The following HIP1R variants were observed in gnomAD, a reference collection of about 807,000 sequenced individuals.
HIP1R encodes huntingtin interacting protein 1 related, also known as huntingtin-interacting protein 1-related protein.
A neutral mutation model predicts 144.2 loss-of-function variants in HIP1R; 135 were observed. The ratio of observed to expected loss-of-function variants is 0.94; its 90% CI spans 0.81 to 1.08. HIP1R has a LOEUF of 1.08. Ranked by LOEUF, HIP1R falls within the 50% of genes least tolerant of loss-of-function variation. The pLI, the probability that HIP1R is intolerant of heterozygous loss-of-function variation, is 0.00. For synonymous variants in HIP1R, 698 were observed against 612.8 expected (o/e 1.14, Z -2.05); for missense variants, 1,462 against 1,432.8 (o/e 1.02, Z -0.33).
At chr12:122,847,872 T>C (rs995271703) in intron 1 of HIP1R, among the ~76,000 whole-genome samples, 159 bp from the exon 2 acceptor site, 1 of 152,178 alleles carries the variant, frequency 6.6e-6, no homozygotes, top group African/African-American at 2.4e-5. Flanking sequence ...AGGGAAGTCC[T>C]TCAGAAGCTT....
chr12:122,849,858 T>C lies in HIP1R; in HGVS notation c.358-17T>C, dbSNP rs758050117. The C allele has an allele frequency of 5.6e-6, 9 of 1,603,472 alleles. No individual in the cohort carries two copies. The highest frequency in any genetic ancestry group is 6.8e-6 in the Non-Finnish European group (8 of 1,171,258). ...GTTCACGAGCCGTGGCCCCTCACCC[T>C]GTCTGTCTTCACACAGGGACATTTG... On this transcript the variant is annotated splice_polypyrimidine_tract_variant and intron_variant, in intron 4 of 31. Coordinates refer to ENST00000253083, the MANE Select transcript of HIP1R (RefSeq NM_003959.3).
At chr12:122,853,140 G>A (rs1381151962) in intron 7 of HIP1R, among the ~76,000 whole-genome samples, 1 of 152,174 alleles carries the variant, frequency 6.6e-6, no homozygotes, top group Non-Finnish European at 1.5e-5. Flanking sequence ...CCCCAGAGAA[G>A]CTGCCAGCCA....
chr12:122,859,841 C>T lies in HIP1R; in HGVS notation c.2465+11C>T, dbSNP rs573747950. ...GGAGGTGAACGAGAGGTGAGCCCCC[C>T]TTCTGTCCCCCCAGGCCCAGCCGAG... On this transcript the variant is annotated intron_variant, in intron 24 of 31. Transcript: ENST00000253083. The T allele has an allele frequency of 1.9e-6, 3 of 1,611,456 alleles. No individual in the cohort carries two copies. Among genetic ancestry groups the T allele is most frequent in the South Asian group, 1.1e-5 (1 of 90,850 alleles).
In HIP1R at chr12:122,861,322, G is replaced by A. The variant is rs746591850; in HGVS notation, c.2967G>A (p.Glu989=). 4 of 1,613,622 alleles carry A rather than the reference G, an allele frequency of 2.5e-6. No homozygotes were observed. The highest frequency in any genetic ancestry group is 1.3e-5 in the African/African-American group (1 of 74,912). ...TGTGGCTACAGGTGCGTGTCCTGGA[G>A]CTGGAGAAGACGCTGGAGGCTGAAC... ...QEMETQVRVL[E]LEKTLEAERM... Residue 989 remains glutamate (E), a synonymous_variant, in exon 31 of 32, where the codon GAG becomes GAA. Transcript: ENST00000253083.
At chr12:122,837,561 C>T (rs2032942386) in intron 1 of HIP1R, among the ~76,000 whole-genome samples, 1 of 152,208 alleles carries the variant, frequency 6.6e-6, no homozygotes, top group Non-Finnish European at 1.5e-5. Context: ...TCAGGCGATC[C>T]ACCCGCCTCA....
At chr12:122,850,963 C>G in intron 6 of HIP1R, 52 bp downstream of exon 6, 1 of 1,525,542 alleles carries the variant, frequency 6.6e-7, no homozygotes, top group Non-Finnish European at 9.0e-7. Flanking sequence ...TTCCCCATTC[C>G]TTCCTACCGC....
chr12:122,856,987 T>C, intron 17 of HIP1R, 34 bp from the exon 18 acceptor site: 2 of 1,542,646 alleles, frequency 1.3e-6, no homozygotes, highest in Non-Finnish European at 1.8e-6. Context: ...CTGGGAGCTC[T>C]GTTCACATGC....
At chr12:122,844,433 A>G (rs1329397856) in intron 1 of HIP1R, among the ~76,000 whole-genome samples, 1 of 152,044 alleles carries the variant, frequency 6.6e-6, no homozygotes, top group African/African-American at 2.4e-5. Flanking sequence ...GTCCCCCTCC[A>G]TTATCACTTC....
intron 7 of HIP1R, chr12:122,853,711 G>A (rs1172187412): frequency 2.1e-5 from 5 of 243,804 alleles, no homozygotes; most frequent in South Asian, 1.1e-4. Context: ...AACATTCAGC[G>A]TGGGTTTGAG....
At chr12:122,851,935 C>A (rs1186087535) in intron 7 of HIP1R, among the ~76,000 whole-genome samples, 2 of 152,172 alleles carry the variant, frequency 1.3e-5, no homozygotes, top group East Asian at 3.9e-4. Context: ...TCTGCAGAGC[C>A]CAGCTGGAAG....
At chr12:122,858,816 T>C (rs1206282466) in intron 20 of HIP1R, 22 bp from the exon 21 acceptor site, 1 of 1,395,696 alleles carries the variant, frequency 7.2e-7, no homozygotes, top group Non-Finnish European at 1.0e-6. Context: ...TCCCCCAACC[T>C]TGGCCCCACC....
intron 7 of HIP1R, 110 bp from the exon 8 acceptor site, chr12:122,853,933 A>ACTGC: frequency 1.5e-6 from 2 of 1,297,940 alleles, no homozygotes; most frequent in East Asian, 4.9e-5. Context: ...GGCAGGGGGC[A>ACTGC]CACTGGTGTG....
Position 122,856,561 on chromosome 12 carries a change from T to A in HIP1R, c.1518+13T>A, listed in dbSNP as rs754902320. 13 of 1,599,038 alleles carry A rather than the reference T, an allele frequency of 8.1e-6. No individual in the cohort carries two copies. In the East Asian group the frequency reaches 2.7e-4, roughly 33 times the overall value. On this transcript the variant is annotated intron_variant, in intron 16 of 31. Transcript: ENST00000253083. ...GTCGGAGTTGAAGGTATGTCCCTTG[T>A]GGCACAGGGCCCTGCCCCGGCATCC... is the stretch of plus-strand genomic sequence containing the variant.
chr12:122,859,875 C>A (rs1214915145), intron 24 of HIP1R, 45 bp downstream of exon 24: 2 of 1,576,428 alleles, frequency 1.3e-6, no homozygotes, highest in Non-Finnish European at 1.7e-6. Flanking sequence ...AGGTGGGCTC[C>A]CCGTGGCCCC....
chr12:122,855,660 T>C (rs766070714), intron 12 of HIP1R, 48 bp downstream of exon 12: 1 of 1,539,988 alleles, frequency 6.5e-7, no homozygotes, highest in Non-Finnish European at 8.8e-7. Flanking sequence ...GGAAACGGGC[T>C]CAGCTGAGCT....
chr12:122,856,001 C>T lies in HIP1R; in HGVS notation c.1150C>T (p.Leu384=), dbSNP rs2135668972. Reference sequence around the variant, plus strand: ...GCAGGCCCAGCGGTACATCGCGCAGCTGAAGAGCCAGGTGAATGCACTGGA... The same window carrying T: ...GCAGGCCCAGCGGTACATCGCGCAGTTGAAGAGCCAGGTGAATGCACTGGA... ...KLEAQRYIAQ[L]KSQVNALEGE... is the part of the protein sequence containing the mutation. Residue 384 remains leucine, a synonymous_variant, in exon 14 of 32, where the codon CTG becomes TTG. Coordinates refer to ENST00000253083, the MANE Select transcript of HIP1R (RefSeq NM_003959.3). 1 of 1,593,146 alleles carries T rather than the reference C, an allele frequency of 6.3e-7. No homozygotes were observed. The highest frequency in any genetic ancestry group is 8.5e-7 in the Non-Finnish European group (1 of 1,170,222).
In HIP1R at chr12:122,855,629, C is replaced by CCGA. The variant is rs1566110494; in HGVS notation, c.1055+19_1055+21dup. Reference sequence around the variant, plus strand: ...GGACGACAGGTGAGGGCTGGAGGAGCCGACTGGGCTGGGGGTGGTTGGAAA... The same window carrying CCGA: ...GGACGACAGGTGAGGGCTGGAGGAGCCGACGACTGGGCTGGGGGTGGTTGGAAA... On this transcript the variant is annotated intron_variant, in intron 12 of 31. Coordinates refer to ENST00000253083, the MANE Select transcript of HIP1R (RefSeq NM_003959.3). 5.8e-6 allele frequency: 9 copies of CCGA among 1,549,748 alleles called. No individual in the cohort carries two copies. Among genetic ancestry groups the CCGA allele is most frequent in the Non-Finnish European group, 7.8e-6 (9 of 1,146,736 alleles).
chr12:122,861,849 C>A lies in HIP1R; in HGVS notation c.*96C>A. 1 of 1,143,940 alleles carries A rather than the reference C, an allele frequency of 8.7e-7. No individual in the cohort carries two copies. The highest frequency in any genetic ancestry group is 1.3e-6 in the Non-Finnish European group (1 of 780,312). The allele number at this position is 1,143,940 out of a possible 1,614,324, so 70.9% of individuals were successfully genotyped here. ...AGGCCTTGCCCCTCCACCTGGTGCC[C>A]AAGCCTCCCGCCCCACCGTCTGGAT... On this transcript the variant is annotated 3_prime_UTR_variant, in exon 32 of 32. Transcript: ENST00000253083.
At chr12:122,850,999 G>GCAT in intron 6 of HIP1R, 88 bp downstream of exon 6, 1 of 1,218,748 alleles carries the variant, frequency 8.2e-7, no homozygotes, top group Non-Finnish European at 1.2e-6. Flanking sequence ...GTCCGCATGG[G>GCAT]GCAGTGGGGT....
Sources: gnomAD v4.1 joint callset for allele counts (sites outside exome capture counted in the v4.1 genomes callset) on GRCh38, gnomAD v4.1.1 for gene constraint, MANE v1.5 for transcripts, NCBI Gene and HGNC (gene_info 2026-07-23, HGNC 2026-07-21) for gene names.